GRIN3A: variants seen among roughly 807,000 people sequenced by gnomAD.
GRIN3A encodes the protein glutamate receptor ionotropic, NMDA 3A.
GRIN3A carries 47 observed loss-of-function variants against 92.4 expected under a neutral mutation model. That is an observed-to-expected ratio of 0.51 (90% CI 0.40 to 0.65). The LOEUF is 0.65. Ranked by LOEUF, GRIN3A falls within the 30% of genes least tolerant of loss-of-function variation. The pLI is 0.00. For missense variants in GRIN3A, 1,324 were observed against 1,393.1 expected, an observed-to-expected ratio of 0.95 and a Z score of 0.79; for synonymous variants, 527 against 540.6, an observed-to-expected ratio of 0.97 and a Z score of 0.35.
intron 1 of GRIN3A, among the ~76,000 whole-genome samples, chr9:101,694,814 G>A (rs976749018): frequency 1.3e-5 from 2 of 152,120 alleles, no homozygotes; most frequent in African/African-American, 4.8e-5. Context: ...CCAACATGGG[G>A]AAGGGTAATC....
At chr9:101,709,485 A>G (rs1310305470) in intron 1 of GRIN3A, among the ~76,000 whole-genome samples, 2 of 152,214 alleles carry the variant, frequency 1.3e-5, no homozygotes, top group Non-Finnish European at 2.9e-5. Context: ...TACGAATTCC[A>G]TAGTTGATGT....
intron 1 of GRIN3A, among the ~76,000 whole-genome samples, chr9:101,731,258 G>A (rs2119043964): frequency 6.6e-6 from 1 of 152,258 alleles, no homozygotes; most frequent in African/African-American, 2.4e-5. Flanking sequence ...AATAGACGAA[G>A]TTAAGAAGGT....
chr9:101,738,088 C>G lies in GRIN3A; in HGVS notation c.-109G>C, dbSNP rs1284919225. 1.1e-5 allele frequency: 10 copies of G among 919,098 alleles called. No individual in the cohort carries two copies. In the Admixed American group the frequency reaches 1.6e-4, roughly 15 times the overall value. 56.9% of individuals were successfully genotyped at this position (919,098 alleles called of 1,614,324 possible). A position where few individuals can be genotyped will look rare whatever the true frequency, so the allele number is the denominator to read the frequency against. ...AGGTCCCGCGCGCAGCTTCACTCCACTCGGTGAAGCGGTCCCAGGAGCTGG... is the reference window on the plus strand; with the variant it reads ...AGGTCCCGCGCGCAGCTTCACTCCAGTCGGTGAAGCGGTCCCAGGAGCTGG... On this transcript the variant is annotated 5_prime_UTR_variant, in exon 1 of 9. Transcript: ENST00000361820.
chr9:101,617,409 A>G (rs542151277), intron 5 of GRIN3A, among the ~76,000 whole-genome samples: 374 of 152,118 alleles, frequency 2.5e-3, no homozygotes, highest in Non-Finnish European at 3.3e-3. Flanking sequence ...TTGGCACTAC[A>G]ACAAAAGTGT....
chr9:101,678,012 C>T (rs181039976), intron 2 of GRIN3A, among the ~76,000 whole-genome samples: 366 of 152,256 alleles, frequency 2.4e-3, no homozygotes, highest in African/African-American at 8.0e-3. Context: ...GCTGTTCTCC[C>T]TTCCCCACTG....
intron 1 of GRIN3A, among the ~76,000 whole-genome samples, chr9:101,715,470 A>AAAGAAAAAGTTTT: frequency 6.6e-6 from 1 of 152,044 alleles, no homozygotes; most frequent in East Asian, 1.9e-4. Flanking sequence ...CTCCATGTTT[A>AAAGAAAAAGTTTT]AAGAAAAAGT....
At chr9:101,651,742 A>T (rs1402794762) in intron 3 of GRIN3A, among the ~76,000 whole-genome samples, 2 of 151,338 alleles carry the variant, frequency 1.3e-5, no homozygotes, top group Admixed American at 1.3e-4. Context: ...TTTATAAATA[A>T]ATTTTGTAAT....
At chr9:101,580,154 C>G (rs1827870555) in intron 6 of GRIN3A, among the ~76,000 whole-genome samples, 1 of 152,186 alleles carries the variant, frequency 6.6e-6, no homozygotes, top group South Asian at 2.1e-4. Context: ...GTATACTCAG[C>G]CACCCCACTC....
At chr9:101,633,808 C>T (rs528723998) in intron 3 of GRIN3A, among the ~76,000 whole-genome samples, 2 of 152,094 alleles carry the variant, frequency 1.3e-5, no homozygotes, top group Non-Finnish European at 2.9e-5. Flanking sequence ...AGGTTGGGGA[C>T]TGCTGCTTTA....
chr9:101,719,825 C>T (rs1429117988), intron 1 of GRIN3A, among the ~76,000 whole-genome samples: 1 of 152,180 alleles, frequency 6.6e-6, no homozygotes, highest in Admixed American at 6.5e-5. Context: ...TAAATCTTAA[C>T]TAATATATTT....
At chr9:101,688,224 G>A (rs1829563420) in intron 1 of GRIN3A, among the ~76,000 whole-genome samples, 1 of 152,090 alleles carries the variant, frequency 6.6e-6, no homozygotes, top group Non-Finnish European at 1.5e-5. Context: ...GAAGAAGTGT[G>A]GCCTGTCCCT....
rs553936388 is a variant in GRIN3A, at chr9:101,678,554, T to C, written c.1305-7447A>G. Among the ~76,000 whole-genome samples, 3 of 152,282 alleles carry C rather than the reference T, an allele frequency of 2.0e-5. No individual in the cohort carries two copies. In the East Asian group the frequency reaches 5.8e-4, roughly 29 times the overall value. ...GCAATTTAGTAATATATTAAACATATATGTACACATATATGAATCATTTGG... is the reference window on the plus strand; with the variant it reads ...GCAATTTAGTAATATATTAAACATACATGTACACATATATGAATCATTTGG... On this transcript the variant is annotated intron_variant, in intron 2 of 8. Transcript: ENST00000361820.
At chr9:101,624,717 T>C (rs1828608164) in intron 4 of GRIN3A, among the ~76,000 whole-genome samples, 1 of 152,186 alleles carries the variant, frequency 6.6e-6, no homozygotes, top group Non-Finnish European at 1.5e-5. Flanking sequence ...CAGCATGATT[T>C]ATAGTTCTTT....
intron 1 of GRIN3A, among the ~76,000 whole-genome samples, chr9:101,724,907 T>G (rs1830066604): frequency 6.6e-6 from 1 of 152,242 alleles, no homozygotes; most frequent in Non-Finnish European, 1.5e-5. Context: ...TGTTTGTGGA[T>G]GGCCTTGAGG....
At chr9:101,635,795 A>G (rs1828776805) in intron 3 of GRIN3A, among the ~76,000 whole-genome samples, 2 of 152,242 alleles carry the variant, frequency 1.3e-5, no homozygotes, top group Admixed American at 6.5e-5. Context: ...GACTGATTTT[A>G]GATTCTATCC....
intron 2 of GRIN3A, among the ~76,000 whole-genome samples, chr9:101,680,096 T>C (rs536370468): frequency 3.1e-4 from 47 of 152,328 alleles, no homozygotes; most frequent in African/African-American, 1.0e-3. Context: ...ACCTTAGACA[T>C]ACTACTTAAC....
intron 1 of GRIN3A, among the ~76,000 whole-genome samples, chr9:101,721,364 A>G (rs1370327651): frequency 6.6e-6 from 1 of 152,332 alleles, no homozygotes. Context: ...AGGTTCAATT[A>G]AAACTCTTTT....
chr9:101,619,837 A>G (rs923124083), intron 5 of GRIN3A, among the ~76,000 whole-genome samples: 4 of 152,206 alleles, frequency 2.6e-5, no homozygotes, highest in African/African-American at 9.7e-5. Flanking sequence ...GGAGACACGT[A>G]TTCATTTATC....
At chr9:101,717,465 A>G (rs1829961880) in intron 1 of GRIN3A, among the ~76,000 whole-genome samples, 1 of 152,198 alleles carries the variant, frequency 6.6e-6, no homozygotes, top group Non-Finnish European at 1.5e-5. Context: ...GATGGCTACC[A>G]CACCCGGCGG....
Sources: gnomAD v4.1 joint callset for allele counts (sites outside exome capture counted in the v4.1 genomes callset) on GRCh38, gnomAD v4.1.1 for gene constraint, MANE v1.5 for transcripts, NCBI Gene and HGNC (gene_info 2026-07-23, HGNC 2026-07-21) for gene names.